Variants in DDX10 observed in about 807,000 individuals in gnomAD.
DDX10 encodes probable ATP-dependent RNA helicase DDX10.
Under a neutral mutation model 104.3 loss-of-function variants are expected in DDX10, and 74 were observed. The ratio of observed to expected loss-of-function variants is 0.71; its 90% CI spans 0.59 to 0.86. The LOEUF (loss-of-function observed/expected upper bound fraction) is 0.86. Ranked by LOEUF, DDX10 falls within the 40% of genes least tolerant of loss-of-function variation. The probability of loss-of-function intolerance (pLI) is 0.00; values close to 1 mark genes in which losing one functional copy is unlikely to be tolerated. For missense variants in DDX10, 952 were observed against 1,040.0 expected, an observed-to-expected ratio of 0.92 and a Z score of 1.16; for synonymous variants, 351 against 353.4, an observed-to-expected ratio of 0.99 and a Z score of 0.08.
intron 16 of DDX10, chr11:108,860,807 A>G (rs1364074323): frequency 6.6e-6 from 1 of 152,082 alleles, no homozygotes; most frequent in African/African-American, 2.4e-5. Flanking sequence ...TGGCCTATCA[A>G]AGTACTGGGA....
intron 1 of DDX10, 64 bp downstream of exon 1, chr11:108,665,403 G>C: frequency 6.7e-7 from 1 of 1,487,396 alleles, no homozygotes; most frequent in Non-Finnish European, 8.9e-7. Context: ...TCACTGCGGC[G>C]AGGAGTTGCA....
chr11:108,738,753 T>C (rs1324672347), intron 13 of DDX10, among the ~76,000 whole-genome samples: 1 of 152,194 alleles, frequency 6.6e-6, no homozygotes, highest in African/African-American at 2.4e-5. Flanking sequence ...TCAAGAATTA[T>C]GAAGAGTCTG....
chr11:108,665,297 C>T lies in DDX10; in HGVS notation c.144C>T (p.Val48=), dbSNP rs144535106. ...RKQLKKPEWQ[V]ERESISRLMQ... is the part of the protein sequence containing the mutation. Reference sequence around the variant, plus strand: ...AACTGAAGAAACCCGAATGGCAGGTCGAGCGCGAGAGTATCAGCCGCCTCA... The same window carrying T: ...AACTGAAGAAACCCGAATGGCAGGTTGAGCGCGAGAGTATCAGCCGCCTCA... The change falls in exon 1 of 18, where the codon GTC becomes GTT. Residue 48 remains valine, a synonymous_variant. Coordinates refer to ENST00000322536, the MANE Select transcript of DDX10 (RefSeq NM_004398.4). The T allele has an allele frequency of 3.2e-5, 52 of 1,605,132 alleles. No homozygotes were observed. Among genetic ancestry groups the T allele is most frequent in the Non-Finnish European group, 4.2e-5 (49 of 1,176,418 alleles).
intron 13 of DDX10, among the ~76,000 whole-genome samples, chr11:108,811,413 A>C (rs1862178321): frequency 6.6e-6 from 1 of 152,168 alleles, no homozygotes; most frequent in South Asian, 2.1e-4. Context: ...GTAAGGAAGG[A>C]TACTCCAGGA....
At position 108,706,726 on chromosome 11, in the gene DDX10, T is replaced by C. The variant is rs368163192; in HGVS notation, c.1224-13T>C. On this transcript the variant is annotated splice_polypyrimidine_tract_variant and intron_variant, in intron 9 of 17. Transcript: ENST00000322536. ...GCATTGATGTGTTAAAGATTTTGTTTCTTTTTGTTTAGGTACAAAGAGGAT... is the reference window on the plus strand; with the variant it reads ...GCATTGATGTGTTAAAGATTTTGTTCCTTTTTGTTTAGGTACAAAGAGGAT... 8 of 1,606,872 alleles carry C rather than the reference T, an allele frequency of 5.0e-6. No homozygotes were observed. In the African/African-American group the frequency reaches 1.1e-4, roughly 21 times the overall value.
At position 108,905,178 on chromosome 11, in the gene DDX10, A is replaced by T. The variant is rs147291703; in HGVS notation, c.2305-12695A>T. On this transcript the variant is annotated intron_variant, in intron 16 of 17. Transcript: ENST00000322536. ...TTGTGGCTTCCAGGAACCCCAGGTT[A>T]AGAACTCCTAATCTAAAGCTCTCCT... is the stretch of plus-strand genomic sequence containing the variant. 3.9e-3 allele frequency among the ~76,000 whole-genome samples: 590 copies of T among 152,226 alleles called. 3 individuals carry two copies. Among genetic ancestry groups the T allele is most frequent in the African/African-American group, 0.014 (571 of 41,526 alleles).
At chr11:108,703,020 T>A (rs758967506) in intron 9 of DDX10, among the ~76,000 whole-genome samples, 25 of 152,212 alleles carry the variant, frequency 1.6e-4, no homozygotes, top group Non-Finnish European at 2.9e-4. Flanking sequence ...AAAAATGAAA[T>A]TTTGTTTCAG....
At chr11:108,880,787 T>A (rs1184896579) in intron 16 of DDX10, among the ~76,000 whole-genome samples, 1 of 152,164 alleles carries the variant, frequency 6.6e-6, no homozygotes, top group Non-Finnish European at 1.5e-5. Context: ...AATTTCCTAT[T>A]TCCTTAAGTA....
intron 13 of DDX10, among the ~76,000 whole-genome samples, chr11:108,731,516 C>CT (rs34825787): frequency 0.27 from 37,898 of 142,760 alleles, 5,569 homozygotes; most frequent in East Asian, 0.52. Context: ...AATTGGGTTT[C>CT]TTTTTTTTTT....
At chr11:108,769,271 TTTTATTCC>T (rs1360506671) in intron 13 of DDX10, among the ~76,000 whole-genome samples, 1 of 152,112 alleles carries the variant, frequency 6.6e-6, no homozygotes, top group Admixed American at 6.5e-5. Context: ...TTTTTCATAT[TTTTATTCC>T]TTTATCTGTG....
In DDX10 at chr11:108,723,456, A is replaced by G. The variant is rs779771020; in HGVS notation, c.1959A>G (p.Thr653=). The change falls in exon 13 of 18, where the codon ACA becomes ACG. Residue 653 remains threonine (T), a synonymous_variant. Coordinates refer to ENST00000322536, the MANE Select transcript of DDX10 (RefSeq NM_004398.4). ...GATTGGACCTTAAAGACGAGAAAAC[A>G]TTACAGGTAAGTTTACTCCCAGTGG... ...VFGLDLKDEK[T]LQKKEPSKSS... The G allele has an allele frequency of 7.5e-6, 12 of 1,609,962 alleles. No individual in the cohort carries two copies. Among genetic ancestry groups the G allele is most frequent in the African/African-American group, 2.7e-5 (2 of 74,746 alleles).
Position 108,675,646 on chromosome 11 carries a change from A to G in DDX10, c.298A>G (p.Ile100Val). 8 of 1,614,190 alleles carry G rather than the reference A, an allele frequency of 5.0e-6. No homozygotes were observed. The highest frequency in any genetic ancestry group is 2.2e-5 in the East Asian group (1 of 44,888). ...GGTGACTGAGATACAGAAGCAGACC[A>G]TTGGATTGGCTTTGCAAGGTAAAGA... ...RLVTEIQKQT[I>V]GLALQGKDVL... Residue 100 changes from isoleucine (I) to valine (V), a missense_variant, in exon 3 of 18, where the codon ATT (isoleucine) becomes GTT (valine). Physicochemically the swap from Ile to Val is conservative, Grantham distance 29. Transcript: ENST00000322536.
intron 17 of DDX10, chr11:108,919,275 T>C (rs1863792328): frequency 6.6e-6 from 1 of 152,238 alleles, no homozygotes; most frequent in Non-Finnish European, 1.5e-5. Context: ...ATTGTTTTAC[T>C]ACCACAAGAG....
chr11:108,812,619 T>C (rs560736010), intron 13 of DDX10, among the ~76,000 whole-genome samples: 3 of 152,300 alleles, frequency 2.0e-5, no homozygotes, highest in South Asian at 2.1e-4. Context: ...GTTGACTTGA[T>C]TGATTATAGC....
intron 13 of DDX10, among the ~76,000 whole-genome samples, chr11:108,827,145 A>C (rs371098015): frequency 6.6e-6 from 1 of 152,360 alleles, no homozygotes; most frequent in East Asian, 1.9e-4. Flanking sequence ...TGTTCTGAAC[A>C]TTAAATGAGG....
intron 13 of DDX10, among the ~76,000 whole-genome samples, chr11:108,737,021 CT>C (rs1232007659): frequency 1.3e-5 from 2 of 152,002 alleles, no homozygotes; most frequent in East Asian, 3.9e-4. Context: ...GCACTTCTTG[CT>C]TTTTTTTCAG....
chr11:108,879,043 C>T (rs188277433), intron 16 of DDX10, among the ~76,000 whole-genome samples: 67 of 152,114 alleles, frequency 4.4e-4, no homozygotes, highest in Middle Eastern at 3.4e-3. Context: ...CTTGCTCTGT[C>T]GCCAGGCTGG....
intron 17 of DDX10, 44 bp from the exon 18 acceptor site, chr11:108,940,202 T>A (rs1378966729): frequency 6.3e-7 from 1 of 1,590,032 alleles, no homozygotes; most frequent in Non-Finnish European, 8.6e-7. Flanking sequence ...AATGTTTGAT[T>A]TCATACTGAG....
rs56662991 is a variant in DDX10 at position 108,797,312 on chromosome 11, G to A, written c.1966-41134G>A. On this transcript the variant is annotated intron_variant, in intron 13 of 17. Coordinates refer to ENST00000322536, the MANE Select transcript of DDX10 (RefSeq NM_004398.4). ...CTCCCAAAGTGTTGGGATTACAGGC[G>A]TGAGCCACCGCGCCCAGCCTAAACT... Among the ~76,000 whole-genome samples, 289 of 152,228 alleles carry A rather than the reference G, an allele frequency of 1.9e-3. 1 individual carries two copies. Among genetic ancestry groups the A allele is most frequent in the African/African-American group, 6.3e-3 (262 of 41,550 alleles).
Sources: gnomAD v4.1 joint callset for allele counts (sites outside exome capture counted in the v4.1 genomes callset) on GRCh38, gnomAD v4.1.1 for gene constraint, MANE v1.5 for transcripts, NCBI Gene and HGNC (gene_info 2026-07-23, HGNC 2026-07-21) for gene names.